The following AFF2 variants were observed in gnomAD, a reference collection of about 807,000 sequenced individuals.
AFF2 encodes AF4/FMR2 family member 2.
AFF2 carries 14 observed loss-of-function variants against 76.9 expected under a neutral mutation model. The observed-to-expected ratio is 0.18, with a 90% CI of 0.12 to 0.28. The LOEUF (loss-of-function observed/expected upper bound fraction) is 0.28, where lower values mean the gene tolerates loss of function less well. Among genes scored for constraint, AFF2 ranks in the 10% least tolerant of loss-of-function variants. The probability of loss-of-function intolerance (pLI) is 1.00; values close to 1 mark genes in which losing one functional copy is unlikely to be tolerated. For synonymous variants in AFF2, 398 were observed against 366.7 expected, an observed-to-expected ratio of 1.09 and a Z score of -0.98; for missense variants, 868 against 1,001.1, an observed-to-expected ratio of 0.87 and a Z score of 1.79.
intron 9 of AFF2, among the ~76,000 whole-genome samples, chrX:148,906,735 A>G (rs1437575253): frequency 2.7e-5 from 3 of 111,398 alleles, no homozygotes; most frequent in Non-Finnish European, 5.7e-5. Flanking sequence ...CTTCTGGTCC[A>G]TGTTTGTTCC....
At chrX:148,983,965 A>AAAAAAAAAAAAAAAAAAAAAAAAC (rs1438744109) in intron 19 of AFF2, among the ~76,000 whole-genome samples, 2 of 99,791 alleles carry the variant, frequency 2.0e-5, no homozygotes, top group African/African-American at 7.7e-5. Flanking sequence ...AAAAAAAAAA[A>AAAAAAAAAAAAAAAAAAAAAAAAC]AAACTGCCCT....
intron 3 of AFF2, among the ~76,000 whole-genome samples, chrX:148,762,409 G>GTATATATATATATATA (rs372864201): frequency 4.6e-5 from 4 of 86,675 alleles, no homozygotes; most frequent in Non-Finnish European, 6.0e-5. Context: ...GTATTCTATG[G>GTATATATATATATATA]TATATATATA....
intron 7 of AFF2, among the ~76,000 whole-genome samples, chrX:148,880,175 G>C (rs1394161859): frequency 2.7e-5 from 3 of 111,980 alleles, no homozygotes; most frequent in Non-Finnish European, 5.6e-5. Flanking sequence ...CAGTGAGGTG[G>C]TGGCCACTGA....
chrX:148,795,800 CAAAAAAAAAAAAAAA>C (rs146034170), intron 3 of AFF2, among the ~76,000 whole-genome samples: 3 of 5,375 alleles, frequency 5.6e-4, no homozygotes, highest in Admixed American at 5.1e-3. Context: ...GAGACTGTCT[CAAAAAAAAAAAAAAA>C]AAAAAAAAAA....
chrX:148,704,901 A>AGG (rs2124519979), intron 3 of AFF2, among the ~76,000 whole-genome samples: 1 of 110,235 alleles, frequency 9.1e-6, no homozygotes, highest in East Asian at 2.9e-4. Context: ...TCCTGACCTC[A>AGG]AGCAATCCTC....
intron 9 of AFF2, among the ~76,000 whole-genome samples, chrX:148,916,273 G>A (rs1442115592): frequency 1.2e-4 from 10 of 85,533 alleles, no homozygotes; most frequent in Admixed American, 1.8e-4. Flanking sequence ...GCAGTGGCGC[G>A]ATCTCGGCTC....
chrX:148,849,058 T>C (rs782374561), intron 7 of AFF2, among the ~76,000 whole-genome samples: 2 of 111,351 alleles, frequency 1.8e-5, no homozygotes, highest in African/African-American at 3.3e-5. Context: ...TGTTGAGGAT[T>C]GTATATTGGC....
intron 3 of AFF2, among the ~76,000 whole-genome samples, chrX:148,687,923 T>C (rs1187652771): frequency 2.7e-5 from 3 of 110,622 alleles, no homozygotes; most frequent in African/African-American, 9.9e-5. Flanking sequence ...AGCTGCCTTG[T>C]ACACATCTCT....
intron 3 of AFF2, among the ~76,000 whole-genome samples, chrX:148,796,490 T>C (rs529982348): frequency 2.7e-5 from 3 of 112,427 alleles, no homozygotes; most frequent in African/African-American, 6.5e-5. Flanking sequence ...ATAATCTCCA[T>C]TGGAAACCGG....
intron 1 of AFF2, among the ~76,000 whole-genome samples, chrX:148,538,074 CCTT>C (rs1300836005): frequency 3.6e-5 from 4 of 112,611 alleles, no homozygotes; most frequent in African/African-American, 9.7e-5. Flanking sequence ...ATTAGACCAA[CCTT>C]CTACGTAGTA....
rs782611025 is a variant in AFF2, at chrX:148,706,765, C to G, written c.1041+43997C>G. ...AAGGATGTTCCATAGTTCATGAATGCAACTCACATTTGAGTGTAGTGGGGA... is the reference window on the plus strand; with the variant it reads ...AAGGATGTTCCATAGTTCATGAATGGAACTCACATTTGAGTGTAGTGGGGA... On this transcript the variant is annotated intron_variant, in intron 3 of 20. Coordinates refer to ENST00000370460, the MANE Select transcript of AFF2 (RefSeq NM_002025.4). 1.9e-4 allele frequency among the ~76,000 whole-genome samples: 21 copies of G among 112,766 alleles called. 1 individual carries two copies. Among genetic ancestry groups the G allele is most frequent in the Admixed American group, 1.2e-3 (13 of 10,682 alleles).
chrX:148,831,570 C>T (rs2070454350), intron 4 of AFF2, among the ~76,000 whole-genome samples: 1 of 111,914 alleles, frequency 8.9e-6, no homozygotes, highest in Admixed American at 9.4e-5. Flanking sequence ...CTATTAACAC[C>T]CCCACTGCTG....
intron 4 of AFF2, among the ~76,000 whole-genome samples, chrX:148,831,920 T>TAC (rs1279921637): frequency 1.7e-3 from 187 of 111,455 alleles, no homozygotes; most frequent in African/African-American, 5.8e-3. Context: ...CACACACACA[T>TAC]ACACACACAC....
chrX:148,842,505 A>T (rs2070613221), intron 5 of AFF2, among the ~76,000 whole-genome samples: 1 of 112,500 alleles, frequency 8.9e-6, no homozygotes, highest in East Asian at 2.8e-4. Context: ...TATAAAAGGG[A>T]AAAACTGGGC....
intron 13 of AFF2, 98 bp from the exon 14 acceptor site, chrX:148,966,692 T>G: frequency 1.1e-6 from 1 of 882,304 alleles, no homozygotes; most frequent in Non-Finnish European, 1.5e-6. Flanking sequence ...TTTTTTTTTT[T>G]GCCTTCTTTC....
chrX:148,902,598 G>A (rs909301456), intron 8 of AFF2, among the ~76,000 whole-genome samples: 6 of 112,101 alleles, frequency 5.4e-5, no homozygotes, highest in Middle Eastern at 4.6e-3. Context: ...TCTGACATGG[G>A]AGAATCTGCA....
At chrX:148,600,779 C>A (rs2053618761) in intron 1 of AFF2, among the ~76,000 whole-genome samples, 1 of 112,276 alleles carries the variant, frequency 8.9e-6, no homozygotes, top group South Asian at 3.7e-4. Context: ...CCCAAACTCC[C>A]TGTGCCTGCT....
At chrX:148,932,453 A>G (rs1433883023) in intron 9 of AFF2, among the ~76,000 whole-genome samples, 1 of 111,826 alleles carries the variant, frequency 8.9e-6, no homozygotes, top group Non-Finnish European at 1.9e-5. Flanking sequence ...TATGACTGCT[A>G]GCTCTTCCAA....
At chrX:148,973,431 A>G (rs2072283519) in intron 15 of AFF2, 40 bp from the exon 16 acceptor site, 8 of 1,204,147 alleles carry the variant, frequency 6.6e-6, no homozygotes, top group South Asian at 3.6e-5. Context: ...GAAGGAGAAA[A>G]CAGAGAGTAT....
Sources: gnomAD v4.1 joint callset for allele counts (sites outside exome capture counted in the v4.1 genomes callset) on GRCh38, gnomAD v4.1.1 for gene constraint, MANE v1.5 for transcripts, NCBI Gene and HGNC (gene_info 2026-07-23, HGNC 2026-07-21) for gene names.